CNTN4: variants seen among roughly 807,000 people sequenced by gnomAD.
CNTN4 encodes contactin-4.
Under a neutral mutation model 122.5 loss-of-function variants are expected in CNTN4, and 77 were observed. The observed-to-expected ratio is 0.63, with a 90% CI of 0.52 to 0.76. The LOEUF (loss-of-function observed/expected upper bound fraction) is 0.76, where lower values mean the gene tolerates loss of function less well. Ranked by LOEUF, CNTN4 falls within the 30% of genes least tolerant of loss-of-function variation. CNTN4 has a pLI of 0.00. For synonymous variants in CNTN4, 512 were observed against 447.0 expected (o/e 1.15, Z -1.83); for missense variants, 1,256 against 1,259.1 (o/e 1.00, Z 0.04).
intron 4 of CNTN4, among the ~76,000 whole-genome samples, chr3:2,639,977 G>A (rs1018805884): frequency 2.0e-5 from 3 of 152,076 alleles, no homozygotes; most frequent in Non-Finnish European, 2.9e-5. Context: ...TACACATTTG[G>A]GTTTTAAAGA....
intron 7 of CNTN4, among the ~76,000 whole-genome samples, chr3:2,862,869 C>G (rs113870129): frequency 3.3e-5 from 5 of 152,230 alleles, no homozygotes; most frequent in African/African-American, 1.2e-4. Context: ...TAAGGGAAAT[C>G]TCAATTGTAT....
At chr3:2,208,020 T>C (rs566923121) in intron 2 of CNTN4, among the ~76,000 whole-genome samples, 18 of 152,276 alleles carry the variant, frequency 1.2e-4, no homozygotes, top group African/African-American at 4.1e-4. Flanking sequence ...AAGATTGATA[T>C]TATCTCCTTG....
At chr3:2,931,740 C>G (rs1481228462) in intron 13 of CNTN4, among the ~76,000 whole-genome samples, 1 of 152,096 alleles carries the variant, frequency 6.6e-6, no homozygotes, top group Non-Finnish European at 1.5e-5. Context: ...GCGATCCTCC[C>G]ACCTCAGCCC....
intron 6 of CNTN4, among the ~76,000 whole-genome samples, chr3:2,814,128 T>G (rs1390258246): frequency 6.6e-6 from 1 of 152,174 alleles, no homozygotes; most frequent in Non-Finnish European, 1.5e-5. Flanking sequence ...AATTGTACAA[T>G]CCTTAGCACA....
chr3:2,557,243 G>A (rs1447496259), intron 3 of CNTN4, among the ~76,000 whole-genome samples: 1 of 152,154 alleles, frequency 6.6e-6, no homozygotes, highest in East Asian at 1.9e-4. Context: ...TTTGATGTCA[G>A]AAAAAGACAC....
intron 2 of CNTN4, among the ~76,000 whole-genome samples, chr3:2,189,892 G>T (rs2037447331): frequency 6.6e-6 from 1 of 152,128 alleles, no homozygotes; most frequent in African/African-American, 2.4e-5. Context: ...ATTACCGGAG[G>T]TTATCATCTG....
chr3:2,689,700 A>G (rs2085623304), intron 4 of CNTN4, among the ~76,000 whole-genome samples: 1 of 152,058 alleles, frequency 6.6e-6, no homozygotes, highest in Non-Finnish European at 1.5e-5. Context: ...TAGAATTAGC[A>G]GTAGAGCAGC....
intron 2 of CNTN4, among the ~76,000 whole-genome samples, chr3:2,310,589 T>A (rs1410283358): frequency 6.6e-6 from 1 of 152,124 alleles, no homozygotes; most frequent in Non-Finnish European, 1.5e-5. Flanking sequence ...TATGCCATCA[T>A]CTGCAGGTAA....
At chr3:2,628,142 G>A (rs1055073914) in intron 4 of CNTN4, among the ~76,000 whole-genome samples, 9 of 152,060 alleles carry the variant, frequency 5.9e-5, no homozygotes, top group Non-Finnish European at 1.2e-4. Flanking sequence ...TTTTCCTCCC[G>A]CATTACCTTA....
At chr3:2,778,018 T>G (rs2091400686) in intron 6 of CNTN4, among the ~76,000 whole-genome samples, 1 of 151,646 alleles carries the variant, frequency 6.6e-6, no homozygotes. Flanking sequence ...ATCGAGGCCA[T>G]CCTGGCTAAC....
intron 2 of CNTN4, among the ~76,000 whole-genome samples, chr3:2,218,059 G>A (rs528938519): frequency 6.6e-6 from 1 of 152,236 alleles, no homozygotes; most frequent in South Asian, 2.1e-4. Flanking sequence ...AGAAAAACAG[G>A]CACGTGAAGA....
intron 3 of CNTN4, among the ~76,000 whole-genome samples, chr3:2,542,815 C>T (rs1322754041): frequency 6.6e-6 from 1 of 152,016 alleles, no homozygotes; most frequent in Non-Finnish European, 1.5e-5. Flanking sequence ...TTTCCTGGGC[C>T]AGATAGTGGA....
At chr3:2,844,131 C>T (rs1045692335) in intron 7 of CNTN4, among the ~76,000 whole-genome samples, 3 of 152,190 alleles carry the variant, frequency 2.0e-5, no homozygotes, top group African/African-American at 7.2e-5. Context: ...ATGTGAGTCC[C>T]CCAGATACCT....
At position 2,903,306 on chromosome 3, in the gene CNTN4, G is replaced by C. The variant is rs528348233; in HGVS notation, c.1207+301G>C. Among the ~76,000 whole-genome samples, 12 of 152,272 alleles carry C rather than the reference G, an allele frequency of 7.9e-5. No homozygotes were observed. The East Asian group carries it at 2.1e-3, about 27-fold the overall frequency. ...GTTTTTGAGATGCTTTTTGGAGTCT[G>C]CTGCTGATTTGGTGCAAACTTGAGC... On this transcript the variant is annotated intron_variant, in intron 12 of 24. Coordinates refer to ENST00000418658, the MANE Select transcript of CNTN4 (RefSeq NM_175607.3).
At chr3:2,196,347 C>G (rs974441260) in intron 2 of CNTN4, among the ~76,000 whole-genome samples, 9 of 152,128 alleles carry the variant, frequency 5.9e-5, no homozygotes, top group Non-Finnish European at 1.2e-4. Flanking sequence ...TGAATCCTGG[C>G]TTCTATCATG....
intron 3 of CNTN4, among the ~76,000 whole-genome samples, chr3:2,556,657 C>G (rs1195844575): frequency 6.8e-6 from 1 of 147,078 alleles, no homozygotes; most frequent in Non-Finnish European, 1.5e-5. Flanking sequence ...CATACACACA[C>G]AAACATATAA....
chr3:2,224,843 A>G (rs748089111), intron 2 of CNTN4, among the ~76,000 whole-genome samples: 2 of 152,166 alleles, frequency 1.3e-5, no homozygotes, highest in African/African-American at 2.4e-5. Flanking sequence ...AGAGCCATAA[A>G]ATGATATTAG....
chr3:2,150,633 A>G (rs1044730317), intron 2 of CNTN4, among the ~76,000 whole-genome samples: 1 of 152,158 alleles, frequency 6.6e-6, no homozygotes, highest in Non-Finnish European at 1.5e-5. Flanking sequence ...TGTTCATTTT[A>G]TGCATGTTTT....
intron 3 of CNTN4, among the ~76,000 whole-genome samples, chr3:2,411,654 T>C (rs2047230988): frequency 6.6e-6 from 1 of 152,166 alleles, no homozygotes; most frequent in Non-Finnish European, 1.5e-5. Flanking sequence ...CTGCCTGCCT[T>C]CCTCCCTCCT....
Sources: allele counts gnomAD v4.1 joint callset (sites outside exome capture counted in the v4.1 genomes callset), GRCh38; gene constraint gnomAD v4.1.1; transcripts MANE v1.5; gene names NCBI Gene and HGNC (gene_info 2026-07-23, HGNC 2026-07-21).